Variants in WDPCP observed in about 807,000 individuals in gnomAD.
WDPCP encodes WD repeat-containing and planar cell polarity effector protein fritz homolog.
A neutral mutation model predicts 93.1 loss-of-function variants in WDPCP; 71 were observed. The observed-to-expected ratio is 0.76, with a 90% CI of 0.63 to 0.93. The LOEUF is 0.93. Ranked by LOEUF, WDPCP falls within the 40% of genes least tolerant of loss-of-function variation. The probability of loss-of-function intolerance (pLI) is 0.00; values close to 1 mark genes in which losing one functional copy is unlikely to be tolerated. For missense variants in WDPCP, 844 were observed against 887.4 expected (o/e 0.95, Z 0.62); for synonymous variants, 315 against 315.0 (o/e 1.00, Z 0.00).
intron 9 of WDPCP, among the ~76,000 whole-genome samples, chr2:63,425,635 T>C (rs1258667756): frequency 6.6e-6 from 1 of 152,122 alleles, no homozygotes; most frequent in Admixed American, 6.5e-5. Flanking sequence ...ATCTCAGAAC[T>C]CAAAGACCAG....
intron 3 of WDPCP, among the ~76,000 whole-genome samples, chr2:63,610,568 TAA>T (rs1028604146): frequency 4.2e-5 from 6 of 144,404 alleles, no homozygotes; most frequent in Admixed American, 1.4e-4. Context: ...TTTTGAGAAT[TAA>T]AAAAAAAAAA....
intron 8 of WDPCP, 131 bp from the exon 9 acceptor site, chr2:63,434,067 A>G: frequency 1.1e-6 from 1 of 879,482 alleles, no homozygotes; most frequent in South Asian, 1.7e-5. Context: ...CATGTGCGTA[A>G]GAAGGTGTCA....
chr2:63,309,729 A>G (rs547719371), intron 13 of WDPCP, among the ~76,000 whole-genome samples: 3 of 152,326 alleles, frequency 2.0e-5, no homozygotes, highest in South Asian at 4.1e-4. Flanking sequence ...ATTTAAAACG[A>G]TAGACATCAA....
At chr2:63,739,470 T>G (rs1318861080) in intron 2 of WDPCP, among the ~76,000 whole-genome samples, 1 of 152,182 alleles carries the variant, frequency 6.6e-6, no homozygotes, top group Non-Finnish European at 1.5e-5. Context: ...CTACTGTGAA[T>G]AGTGCTACAA....
At chr2:63,594,617 A>G in intron 3 of WDPCP, 1 of 1,442,634 alleles carries the variant, frequency 6.9e-7, no homozygotes, top group Non-Finnish European at 9.7e-7. Flanking sequence ...ATCTTAAGTT[A>G]TTAGAGTAAG....
At chr2:63,358,980 C>T (rs1237055014) in intron 12 of WDPCP, among the ~76,000 whole-genome samples, 1 of 152,082 alleles carries the variant, frequency 6.6e-6, no homozygotes, top group African/African-American at 2.4e-5. Context: ...CATTTTCTTC[C>T]CTGGATCCAC....
chr2:63,496,435 C>T (rs1319458423), intron 1 of WDPCP, among the ~76,000 whole-genome samples: 1 of 152,184 alleles, frequency 6.6e-6, no homozygotes, highest in African/African-American at 2.4e-5. Flanking sequence ...CATATCTTCA[C>T]TAAGTTTGAA....
At chr2:63,821,609 T>A (rs1671019751) in intron 1 of WDPCP, among the ~76,000 whole-genome samples, 1 of 152,136 alleles carries the variant, frequency 6.6e-6, no homozygotes, top group Non-Finnish European at 1.5e-5. Context: ...ACAACTTCAG[T>A]GTCAACAGTA....
chr2:63,570,717 C>A (rs1707424649), intron 1 of WDPCP, among the ~76,000 whole-genome samples: 1 of 152,110 alleles, frequency 6.6e-6, no homozygotes, highest in African/African-American at 2.4e-5. Flanking sequence ...ATATTTTTGA[C>A]AAATACTTTA....
At chr2:63,318,249 TA>T (rs1686813333) in intron 12 of WDPCP, among the ~76,000 whole-genome samples, 1 of 152,092 alleles carries the variant, frequency 6.6e-6, no homozygotes, top group African/African-American at 2.4e-5. Flanking sequence ...TGGCTATTAT[TA>T]AAAAGTCAGA....
chr2:63,278,695 C>T (rs964025178), intron 13 of WDPCP, among the ~76,000 whole-genome samples: 8 of 151,928 alleles, frequency 5.3e-5, no homozygotes, highest in Non-Finnish European at 5.9e-5. Flanking sequence ...GGCATGGTGG[C>T]GGGCACCTGT....
intron 14 of WDPCP, among the ~76,000 whole-genome samples, chr2:63,247,666 C>T (rs1231504688): frequency 7.0e-6 from 1 of 143,058 alleles, no homozygotes; most frequent in Non-Finnish European, 1.5e-5. Context: ...TGTAAATATT[C>T]CAAAATTGAA....
intron 2 of WDPCP, chr2:63,684,280 T>C (rs1179743489): frequency 3.6e-6 from 2 of 561,474 alleles, no homozygotes; most frequent in Non-Finnish European, 6.7e-6. Flanking sequence ...CCCTTTTTGC[T>C]GTAGGCCCAA....
chr2:63,549,311 A>T (rs1705396344), intron 1 of WDPCP, among the ~76,000 whole-genome samples: 1 of 152,036 alleles, frequency 6.6e-6, no homozygotes, highest in African/African-American at 2.4e-5. Flanking sequence ...AGGAATTAAA[A>T]ATAAAAAGAG....
intron 2 of WDPCP, among the ~76,000 whole-genome samples, chr2:63,716,428 A>G (rs1468289556): frequency 6.6e-6 from 1 of 152,160 alleles, no homozygotes; most frequent in African/African-American, 2.4e-5. Context: ...AATCTATTTG[A>G]TCATCTCTGT....
At chr2:63,690,671 G>A (rs1668876689) in intron 2 of WDPCP, among the ~76,000 whole-genome samples, 1 of 152,062 alleles carries the variant, frequency 6.6e-6, no homozygotes, top group Non-Finnish European at 1.5e-5. Context: ...AGCCCAGGAG[G>A]CAGAGCCTGC....
intron 12 of WDPCP, among the ~76,000 whole-genome samples, chr2:63,353,728 C>G (rs943177119): frequency 6.6e-6 from 1 of 152,130 alleles, no homozygotes; most frequent in Non-Finnish European, 1.5e-5. Context: ...GCAACAGCAC[C>G]GTATGTCCCT....
intron 3 of WDPCP, among the ~76,000 whole-genome samples, chr2:63,638,588 G>A (rs1304054769): frequency 1.3e-5 from 2 of 152,100 alleles, no homozygotes; most frequent in East Asian, 3.8e-4. Context: ...CCTGGATTAT[G>A]AGACCAGTCT....
At chr2:63,548,804 T>C (rs1324535284) in intron 1 of WDPCP, among the ~76,000 whole-genome samples, 1 of 152,092 alleles carries the variant, frequency 6.6e-6, no homozygotes, top group Non-Finnish European at 1.5e-5. Context: ...AAAACACATT[T>C]TCTAACTAAT....
Sources: gnomAD v4.1 joint callset for allele counts (sites outside exome capture counted in the v4.1 genomes callset) on GRCh38, gnomAD v4.1.1 for gene constraint, MANE v1.5 for transcripts, NCBI Gene and HGNC (gene_info 2026-07-23, HGNC 2026-07-21) for gene names.